MAFF: variants seen among roughly 807,000 people sequenced by gnomAD.
The protein encoded by MAFF is MAF bZIP transcription factor F.
MAFF carries 4 observed loss-of-function variants against 2.7 expected under a neutral mutation model. The ratio of observed to expected loss-of-function variants is 1.48; its 90% confidence interval spans 0.73 to 3.39. The LOEUF is 3.39. Ranked by LOEUF, MAFF falls within the 30% of genes most tolerant of loss-of-function variation. The probability of loss-of-function intolerance (pLI) is 0.01; values close to 1 mark genes in which losing one functional copy is unlikely to be tolerated. For synonymous variants in MAFF, 113 were observed against 119.4 expected (o/e 0.95, Z 0.35); for missense variants, 190 against 246.6 (o/e 0.77, Z 1.54).
intron 1 of MAFF, among the ~76,000 whole-genome samples, chr22:38,210,317 C>T (rs2091088549): frequency 6.6e-6 from 1 of 152,190 alleles, no homozygotes; most frequent in Non-Finnish European, 1.5e-5. Flanking sequence ...TCCCTGTGAG[C>T]TGCCAGACCC....
At position 38,216,230 on chromosome 22, in the gene MAFF, C is replaced by T; in HGVS notation, c.*1352C>T. 1 of 153,960 alleles carries T rather than the reference C, an allele frequency of 6.5e-6. No homozygotes were observed. 9.5% of individuals were successfully genotyped at this position (153,960 alleles called of 1,614,324 possible). A position where few individuals can be genotyped will look rare whatever the true frequency, so the allele number is the denominator to read the frequency against. On this transcript the variant is annotated 3_prime_UTR_variant, in exon 3 of 3. Coordinates refer to ENST00000338483, the MANE Select transcript of MAFF (RefSeq NM_012323.4). ...TCTCTACAAAAAATACAAAAATTAG[C>T]CATGCATGGTGGCTCATGCCTGTAG...
chr22:38,208,518 G>A (rs2091070668), intron 1 of MAFF, among the ~76,000 whole-genome samples: 2 of 152,212 alleles, frequency 1.3e-5, no homozygotes, highest in African/African-American at 4.8e-5. Flanking sequence ...TAGAGACAGG[G>A]CCAGGAGGTA....
intron 2 of MAFF, 35 bp downstream of exon 2, chr22:38,213,924 C>T (rs370556955): frequency 5.1e-5 from 82 of 1,611,634 alleles, no homozygotes; most frequent in Non-Finnish European, 4.8e-5. Flanking sequence ...CAGTGAAGCC[C>T]TCCCTCCCTG....
Position 38,214,648 on chromosome 22 carries a change from G to T in MAFF, c.265G>T (p.Glu89Ter). Reference sequence around the variant, plus strand: ...GAAGCAGAAGTCGGAGCTGGAGCGCGAGGTGGACAAGCTGGCGCGCGAGAA... The same window carrying T: ...GAAGCAGAAGTCGGAGCTGGAGCGCTAGGTGGACAAGCTGGCGCGCGAGAA... ...LQKQKSELEREVDKLARENAA... is the reference protein window; with the variant it reads ...LQKQKSELER The change falls in exon 3 of 3, where the codon GAG (glutamate) becomes TAG (stop). Residue 89 changes from glutamate (E) to a stop codon, truncating the protein, a stop_gained. Transcript: ENST00000338483. LOFTEE classifies it low-confidence loss of function (END_TRUNC). This position sits in a 1 kb window ranked among gnomAD's most constrained non-coding sequence, Gnocchi z 6.3. 2 of 1,559,340 alleles carry T rather than the reference G, an allele frequency of 1.3e-6. No individual in the cohort carries two copies. The highest frequency in any genetic ancestry group is 1.7e-6 in the Non-Finnish European group (2 of 1,152,668).
Position 38,214,367 on chromosome 22 carries a change from A to G in MAFF, c.37-53A>G. ...GGTGAAAGAGGAACACCGCGGGTGG[A>G]GCGGGGGGGCCCGTCCCCAGTCCCC... On this transcript the variant is annotated intron_variant, in intron 2 of 2. Transcript: ENST00000338483. This position sits in a 1 kb window ranked among gnomAD's most constrained non-coding sequence, Gnocchi z 6.3. 2.0e-6 allele frequency: 3 copies of G among 1,485,736 alleles called. No homozygotes were observed. The highest frequency in any genetic ancestry group is 2.4e-5 in the East Asian group (1 of 42,060). The allele number at this position is 1,485,736 out of a possible 1,614,324, so 92.0% of individuals were successfully genotyped here.
In MAFF at chr22:38,214,971, C is replaced by A; in HGVS notation, c.*93C>A. 3 of 916,270 alleles carry A rather than the reference C, an allele frequency of 3.3e-6. No homozygotes were observed. The allele number at this position is 916,270 out of a possible 1,614,324, so 56.8% of individuals were successfully genotyped here. ...CCGCCTCTGTGCCCAGGTCCCATTT[C>A]TCTGCAGCACTGGCCCCTTGGTGCA... On this transcript the variant is annotated 3_prime_UTR_variant, in exon 3 of 3. Transcript: ENST00000338483. The surrounding 1 kb of genome is among the most constrained non-coding windows in gnomAD (Gnocchi z 6.3).
intron 1 of MAFF, among the ~76,000 whole-genome samples, chr22:38,209,539 G>A (rs1009977627): frequency 4.6e-5 from 7 of 152,180 alleles, no homozygotes; most frequent in African/African-American, 1.2e-4. Context: ...TGGGTTGGGC[G>A]TGGTGGCTCA....
At chr22:38,212,945 T>TGA (rs1012019186) in intron 1 of MAFF, among the ~76,000 whole-genome samples, 2 of 152,090 alleles carry the variant, frequency 1.3e-5, no homozygotes, top group African/African-American at 4.8e-5. Context: ...GTGGATCACC[T>TGA]GAGGTCAGTA....
At position 38,215,275 on chromosome 22, in the gene MAFF, G is replaced by A. The variant is rs771957100; in HGVS notation, c.*397G>A. On this transcript the variant is annotated 3_prime_UTR_variant, in exon 3 of 3. Coordinates refer to ENST00000338483, the MANE Select transcript of MAFF (RefSeq NM_012323.4). ...CCAGGATTCAAAGCTAGGTTTGGCTGTCTGTGACTTACGGGACCGTCCTGC... is the reference window on the plus strand; with the variant it reads ...CCAGGATTCAAAGCTAGGTTTGGCTATCTGTGACTTACGGGACCGTCCTGC... 2 of 191,942 alleles carry A rather than the reference G, an allele frequency of 1.0e-5. No homozygotes were observed. The highest frequency in any genetic ancestry group is 2.4e-5 in the Non-Finnish European group (2 of 84,310). The allele number at this position is 191,942 out of a possible 1,614,324, so 11.9% of individuals were successfully genotyped here.
At chr22:38,208,228 A>C (rs998757478) in intron 1 of MAFF, among the ~76,000 whole-genome samples, 3 of 152,170 alleles carry the variant, frequency 2.0e-5, no homozygotes, top group Non-Finnish European at 4.4e-5. Flanking sequence ...GATTCCACCA[A>C]AACCCTGCGA....
chr22:38,214,927 T>C lies in MAFF; in HGVS notation c.*49T>C. 7.3e-7 allele frequency: 1 copy of C among 1,369,602 alleles called. No homozygotes were observed. Among genetic ancestry groups the C allele is most frequent in the Non-Finnish European group, 1.0e-6 (1 of 1,000,138 alleles). 84.8% of individuals were successfully genotyped at this position (1,369,602 alleles called of 1,614,324 possible). ...CCACGCCCCTCCGGCCTCAGCTCCC[T>C]CCCCAAAGTGCCTGAGCGCCGCCTC... On this transcript the variant is annotated 3_prime_UTR_variant, in exon 3 of 3. Coordinates refer to ENST00000338483, the MANE Select transcript of MAFF (RefSeq NM_012323.4). This position sits in a 1 kb window ranked among gnomAD's most constrained non-coding sequence, Gnocchi z 6.3.
At chr22:38,210,850 A>G in intron 1 of MAFF, among the ~76,000 whole-genome samples, 1 of 152,000 alleles carries the variant, frequency 6.6e-6, no homozygotes, top group East Asian at 1.9e-4. Flanking sequence ...GCTTGAGCCA[A>G]GGAGTTCAAG....
Position 38,214,957 on chromosome 22 carries a change from C to A in MAFF, c.*79C>A. On this transcript the variant is annotated 3_prime_UTR_variant, in exon 3 of 3. Transcript: ENST00000338483. This position sits in a 1 kb window ranked among gnomAD's most constrained non-coding sequence, Gnocchi z 6.3. ...AAAGTGCCTGAGCGCCGCCTCTGTG[C>A]CCAGGTCCCATTTCTCTGCAGCACT... is the stretch of plus-strand genomic sequence containing the variant. 1.9e-6 allele frequency: 2 copies of A among 1,070,234 alleles called. No individual in the cohort carries two copies. Among genetic ancestry groups the A allele is most frequent in the South Asian group, 1.4e-5 (1 of 72,330 alleles). 66.3% of individuals were successfully genotyped at this position (1,070,234 alleles called of 1,614,324 possible). A position where few individuals can be genotyped will look rare whatever the true frequency, so the allele number is the denominator to read the frequency against.
chr22:38,211,280 G>A (rs1365224372), intron 1 of MAFF, among the ~76,000 whole-genome samples: 1 of 151,076 alleles, frequency 6.6e-6, no homozygotes, highest in Non-Finnish European at 1.5e-5. Context: ...AGGCTGGAGT[G>A]CAGTGGCACA....
chr22:38,214,984 G>C lies in MAFF; in HGVS notation c.*106G>C. 1.2e-6 allele frequency: 1 copy of C among 826,596 alleles called. No individual in the cohort carries two copies. The highest frequency in any genetic ancestry group is 2.0e-6 in the Non-Finnish European group (1 of 508,494). The allele number at this position is 826,596 out of a possible 1,614,324, so 51.2% of individuals were successfully genotyped here. ...CAGGTCCCATTTCTCTGCAGCACTG[G>C]CCCCTTGGTGCACACACATTCCCTT... On this transcript the variant is annotated 3_prime_UTR_variant, in exon 3 of 3. Coordinates refer to ENST00000338483, the MANE Select transcript of MAFF (RefSeq NM_012323.4). The surrounding 1 kb of genome is among the most constrained non-coding windows in gnomAD (Gnocchi z 6.3).
At chr22:38,204,938 GGGATTGGAGAC>G (rs2091040737) in intron 1 of MAFF, among the ~76,000 whole-genome samples, 1 of 152,090 alleles carries the variant, frequency 6.6e-6, no homozygotes, top group Admixed American at 6.6e-5. Flanking sequence ...ATCAATGATG[GGGATTGGAGAC>G]GGAGGGCAAG....
intron 1 of MAFF, chr22:38,203,526 C>T (rs1167811237): frequency 6.6e-6 from 1 of 152,136 alleles, no homozygotes; most frequent in Admixed American, 6.5e-5. Context: ...CTGACCTAGC[C>T]GCCACCCACC....
chr22:38,213,463 G>A, intron 1 of MAFF: 1 of 349,946 alleles, frequency 2.9e-6, no homozygotes, highest in Non-Finnish European at 5.7e-6. Flanking sequence ...CCAAGCATGA[G>A]AAATGCAGAA....
rs1234961355 is a variant in MAFF, at chr22:38,214,556, C to T, written c.173C>T (p.Thr58Ile). The part of the protein sequence containing the change: ...EVTRLKQRRR[T>I]LKNRGYAASC... ...ACACGGCTCAAGCAGCGGCGCCGCA[C>T]ACTCAAAAACCGTGGCTACGCCGCC... is the stretch of plus-strand genomic sequence containing the variant. Residue 58 changes from threonine to isoleucine, a missense_variant, in exon 3 of 3, where the codon ACA becomes ATA. This residue lies in a region of MAFF where 87 missense variants were observed against 143.6 expected (regional missense o/e 0.61). Transcript: ENST00000338483. This position sits in a 1 kb window ranked among gnomAD's most constrained non-coding sequence, Gnocchi z 6.3. The T allele has an allele frequency of 1.2e-6, 2 of 1,607,276 alleles. No homozygotes were observed. Among genetic ancestry groups the T allele is most frequent in the South Asian group, 1.1e-5 (1 of 90,462 alleles).
Sources: allele counts gnomAD v4.1 joint callset (sites outside exome capture counted in the v4.1 genomes callset), GRCh38; gene constraint gnomAD v4.1.1; regional missense constraint gnomAD v4.1.1; non-coding constraint Gnocchi (gnomAD v3.1); transcripts MANE v1.5; gene names NCBI Gene and HGNC (gene_info 2026-07-23, HGNC 2026-07-21).